The following MEGF10 variants were observed in gnomAD, a reference collection of about 807,000 sequenced individuals.
The protein encoded by MEGF10 is multiple epidermal growth factor-like domains protein 10.
MEGF10 carries 86 observed loss-of-function variants against 147.5 expected under a neutral mutation model. That is an observed-to-expected ratio of 0.58 (90% CI 0.49 to 0.70). The LOEUF is 0.70. Among genes scored for constraint, MEGF10 ranks in the 30% least tolerant of loss-of-function variants. MEGF10 has a pLI of 0.00. For synonymous variants in MEGF10, 478 were observed against 525.5 expected, an observed-to-expected ratio of 0.91 and a Z score of 1.24; for missense variants, 1,329 against 1,487.3, an observed-to-expected ratio of 0.89 and a Z score of 1.75.
At chr5:127,382,537 TG>T (rs1265308258) in intron 5 of MEGF10, among the ~76,000 whole-genome samples, 20 of 152,238 alleles carry the variant, frequency 1.3e-4, no homozygotes, top group Non-Finnish European at 2.5e-4. Context: ...AAGAAACTTA[TG>T]TGGTAAAATC....
At chr5:127,354,137 G>C (rs565750743) in intron 4 of MEGF10, among the ~76,000 whole-genome samples, 1 of 152,308 alleles carries the variant, frequency 6.6e-6, no homozygotes, top group Admixed American at 6.5e-5. Context: ...TAAGGAGCTG[G>C]AACTGTGGTT....
intron 9 of MEGF10, among the ~76,000 whole-genome samples, chr5:127,416,345 A>T (rs1580842194): frequency 2.0e-5 from 3 of 152,232 alleles, no homozygotes; most frequent in Middle Eastern, 6.8e-3. Flanking sequence ...TCAGTTTTTG[A>T]CATGTTAAGT....
chr5:127,458,150 A>G lies in MEGF10; in HGVS notation c.*832A>G, dbSNP rs180938359. 1.6e-4 allele frequency: 25 copies of G among 152,216 alleles called. No individual in the cohort carries two copies. Among genetic ancestry groups the G allele is most frequent in the African/African-American group, 5.5e-4 (23 of 41,452 alleles). 9.4% of individuals were successfully genotyped at this position (152,216 alleles called of 1,614,324 possible). On this transcript the variant is annotated 3_prime_UTR_variant, in exon 25 of 25. Coordinates refer to ENST00000503335, the MANE Select transcript of MEGF10 (RefSeq NM_001256545.2). Reference sequence around the variant, plus strand: ...CAATAGTTATTTCATAAATATAGAAATGAAATAATTTTATTTTTGACAGAC... The same window carrying G: ...CAATAGTTATTTCATAAATATAGAAGTGAAATAATTTTATTTTTGACAGAC...
chr5:127,263,631 GA>G, the MEGF10 span, among the ~76,000 whole-genome samples: 1 of 152,044 alleles, frequency 6.6e-6, no homozygotes, highest in African/African-American at 2.4e-5. Context: ...ATATTTTCTT[GA>G]AAATGCATTT....
chr5:127,240,969 C>T, the MEGF10 span, among the ~76,000 whole-genome samples: 1 of 152,132 alleles, frequency 6.6e-6, no homozygotes, highest in African/African-American at 2.4e-5. Flanking sequence ...TGTCAAAATG[C>T]AAAAGATTTT....
At chr5:127,443,663 G>A (rs1212952916) in intron 19 of MEGF10, among the ~76,000 whole-genome samples, 1 of 151,982 alleles carries the variant, frequency 6.6e-6, no homozygotes, top group African/African-American at 2.4e-5. Flanking sequence ...TCATTTTCTA[G>A]AATTTTATAT....
chr5:127,233,672 T>G, the MEGF10 span, among the ~76,000 whole-genome samples: 1 of 152,152 alleles, frequency 6.6e-6, no homozygotes, highest in Non-Finnish European at 1.5e-5. Flanking sequence ...AGATTAAGAA[T>G]GGAAAGAAAG....
Position 127,426,735 on chromosome 5 carries a change from C to T in MEGF10, c.1693+3963C>T, listed in dbSNP as rs2126987353. Among the ~76,000 whole-genome samples, 3 of 152,278 alleles carry T rather than the reference C, an allele frequency of 2.0e-5. No individual in the cohort carries two copies. In the Middle Eastern group the frequency reaches 0.01, roughly 518 times the overall value. The stretch of plus-strand genomic sequence containing the variant: ...GTGATATACTTTATAAAAGCATTTT[C>T]CCAAAATTACAGAAACAGGCTGAAG... On this transcript the variant is annotated intron_variant, in intron 13 of 24. Transcript: ENST00000503335.
chr5:127,450,844 T>C (rs1028198246), intron 22 of MEGF10, among the ~76,000 whole-genome samples: 9 of 152,234 alleles, frequency 5.9e-5, no homozygotes, highest in African/African-American at 2.2e-4. Context: ...CTGCAAGATC[T>C]GCCTTCTGGA....
At chr5:127,280,167 A>T in the MEGF10 span, among the ~76,000 whole-genome samples, 90 of 152,196 alleles carry the variant, frequency 5.9e-4, 1 homozygote, top group Middle Eastern at 3.2e-3. Flanking sequence ...TTTTTTATAA[A>T]TCTTCTTTGT....
rs1438771856 is a variant in MEGF10 at position 127,419,157 on chromosome 5, A to G, written c.1343A>G (p.Tyr448Cys). ...DCSTPCPLGT[Y>C]GINCSSRCGC... ...TCTACCCCATGCCCTCTGGGAACCT[A>G]TGGGATAAACTGTTCCTCTCGCTGT... Residue 448 changes from tyrosine (Y) to cysteine (C), a missense_variant, in exon 11 of 25, where the codon TAT becomes TGT. Physicochemically the swap from Tyr to Cys is radical, Grantham distance 194 (BLOSUM62 -2). Around this residue, in one of 3 missense-constraint regions of MEGF10, gnomAD observed 980 missense variants for 1,085.9 expected, o/e 0.90. Transcript: ENST00000503335. 6 of 1,614,094 alleles carry G rather than the reference A, an allele frequency of 3.7e-6. No homozygotes were observed. The highest frequency in any genetic ancestry group is 3.3e-5 in the South Asian group (3 of 91,078).
chr5:127,326,695 G>A (rs951182416), intron 1 of MEGF10, among the ~76,000 whole-genome samples: 1 of 152,176 alleles, frequency 6.6e-6, no homozygotes, highest in African/African-American at 2.4e-5. Context: ...ACACGATGGA[G>A]TGGTCAGGTG....
intron 18 of MEGF10, 52 bp from the exon 19 acceptor site, chr5:127,442,946 C>T: frequency 1.3e-6 from 2 of 1,576,608 alleles, no homozygotes; most frequent in Non-Finnish European, 1.7e-6. Context: ...CAGAGACAGC[C>T]TTGCTCCAAA....
intron 8 of MEGF10, among the ~76,000 whole-genome samples, chr5:127,408,802 C>T (rs1561627738): frequency 6.6e-6 from 1 of 152,156 alleles, no homozygotes; most frequent in East Asian, 1.9e-4. Flanking sequence ...AAGGGCTGGT[C>T]CAAGTGGCTC....
intron 4 of MEGF10, among the ~76,000 whole-genome samples, chr5:127,357,384 G>C (rs1321597528): frequency 6.6e-6 from 1 of 151,998 alleles, no homozygotes; most frequent in Admixed American, 6.6e-5. Flanking sequence ...TACATGATCG[G>C]TTAATAGGGT....
chr5:127,420,032 C>G lies in MEGF10; in HGVS notation c.1427-12C>G, dbSNP rs1246493509. 6.2e-7 allele frequency: 1 copy of G among 1,613,382 alleles called. No homozygotes were observed. The highest frequency in any genetic ancestry group is 1.1e-5 in the South Asian group (1 of 90,974). On this transcript the variant is annotated splice_polypyrimidine_tract_variant and intron_variant, in intron 11 of 24. Transcript: ENST00000503335. ...TTGTTCGCTCACGTGCTCTGGCGTT[C>G]TTGTCGCACAGGCTGGCACGGGGTG...
At chr5:127,367,351 G>A (rs1278454161) in intron 4 of MEGF10, among the ~76,000 whole-genome samples, 1 of 152,174 alleles carries the variant, frequency 6.6e-6, no homozygotes. Flanking sequence ...AGGTTGCTCT[G>A]ATGGAATCCA....
intron 5 of MEGF10, among the ~76,000 whole-genome samples, chr5:127,377,812 G>T (rs890652965): frequency 6.6e-6 from 1 of 152,172 alleles, no homozygotes; most frequent in Non-Finnish European, 1.5e-5. Flanking sequence ...CCCAGTCCTC[G>T]CTGCAGTCAT....
At chr5:127,247,386 GAAGAAGAAGAAGAAGAAGAAGAA>G in the MEGF10 span, among the ~76,000 whole-genome samples, 1 of 23,680 alleles carries the variant, frequency 4.2e-5, no homozygotes, top group African/African-American at 1.9e-4. Flanking sequence ...AGAAGAAGAA[GAAGAAGAAGAAGAAGAAGAAGAA>G]GAAGAAGAAG....
Sources: allele counts gnomAD v4.1 joint callset (sites outside exome capture counted in the v4.1 genomes callset), GRCh38; gene constraint gnomAD v4.1.1; regional missense constraint gnomAD v4.1.1; transcripts MANE v1.5; gene names NCBI Gene and HGNC (gene_info 2026-07-23, HGNC 2026-07-21).